AASS: variants seen among roughly 807,000 people sequenced by gnomAD.
AASS encodes alpha-aminoadipic semialdehyde synthase, mitochondrial.
Under a neutral mutation model 105.4 loss-of-function variants are expected in AASS, and 86 were observed. That is an observed-to-expected ratio of 0.82 (90% CI 0.69 to 0.98). The LOEUF (loss-of-function observed/expected upper bound fraction) is 0.98. Ranked by LOEUF, AASS falls within the 50% of genes least tolerant of loss-of-function variation. AASS has a pLI of 0.00. For synonymous variants in AASS, 381 were observed against 394.8 expected (o/e 0.96, Z 0.41); for missense variants, 1,048 against 1,143.2 (o/e 0.92, Z 1.20).
intron 17 of AASS, 24 bp downstream of exon 17, chr7:122,092,819 C>G (rs374586535): frequency 3.8e-6 from 6 of 1,562,352 alleles, no homozygotes; most frequent in South Asian, 1.1e-5. Flanking sequence ...TTTAATGTTG[C>G]CTTTGGGTAC....
At chr7:122,079,124 C>A in intron 21 of AASS, 174 bp from the exon 22 acceptor site, 1 of 1,504,648 alleles carries the variant, frequency 6.6e-7, no homozygotes, top group South Asian at 1.3e-5. Flanking sequence ...AATGTTTTAA[C>A]CTTCAGAATC....
Position 122,077,996 on chromosome 7 carries a change from A to G in AASS, c.2504T>C (p.Met835Thr). Residue 835 changes from methionine to threonine, a missense_variant, in exon 23 of 24, where the codon ATG becomes ACG. Transcript: ENST00000417368. Reference protein sequence around the residue: ...KLSYGPEEKDMIVMRDSFGIR... With the variant: ...KLSYGPEEKDTIVMRDSFGIR... ...TCCAAAGCTGTCTCTCATCACAATC[A>G]TATCTTTTTCTTCAGGACCTTAAAA... 6.2e-7 allele frequency: 1 copy of G among 1,614,120 alleles called. No individual in the cohort carries two copies. Among genetic ancestry groups the G allele is most frequent in the Non-Finnish European group, 8.5e-7 (1 of 1,179,980 alleles).
intron 11 of AASS, among the ~76,000 whole-genome samples, chr7:122,112,543 A>T (rs1277986550): frequency 1.3e-5 from 2 of 152,230 alleles, no homozygotes; most frequent in Non-Finnish European, 1.5e-5. Flanking sequence ...AGAGGCAGAC[A>T]GTCTGAAATA....
chr7:122,094,344 T>G (rs981383857), intron 15 of AASS, among the ~76,000 whole-genome samples: 2 of 152,128 alleles, frequency 1.3e-5, no homozygotes, highest in African/African-American at 4.8e-5. Flanking sequence ...CACATCTAAA[T>G]AGCAATACTC....
intron 1 of AASS, among the ~76,000 whole-genome samples, chr7:122,143,827 C>CA (rs1796511553): frequency 6.6e-6 from 1 of 152,020 alleles, no homozygotes; most frequent in Non-Finnish European, 1.5e-5. Flanking sequence ...CACTGTCCGC[C>CA]AAAAAAGAAA....
chr7:122,098,938 C>G, intron 13 of AASS, 72 bp from the exon 14 acceptor site: 1 of 1,400,090 alleles, frequency 7.1e-7, no homozygotes, highest in Non-Finnish European at 9.4e-7. Flanking sequence ...ATAACAGAAT[C>G]TTGCATTCCA....
At chr7:122,076,698 G>C in intron 23 of AASS, 91 bp from the exon 24 acceptor site, 1 of 979,240 alleles carries the variant, frequency 1.0e-6, no homozygotes, top group Non-Finnish European at 1.7e-6. Flanking sequence ...AGCAAACTCA[G>C]AGTCAATGAA....
In AASS at chr7:122,081,601, A is replaced by G. The variant is rs1793325752; in HGVS notation, c.2185-6T>C. On this transcript the variant is annotated splice_region_variant and splice_polypyrimidine_tract_variant and intron_variant, in intron 19 of 23. Transcript: ENST00000417368. ...TTCAAAGCTTTCATATATCCCTGAA[A>G]CAAGAATTAATAAGCAGTATATAAA... 1.3e-6 allele frequency: 2 copies of G among 1,594,396 alleles called. No individual in the cohort carries two copies. The highest frequency in any genetic ancestry group is 1.7e-6 in the Non-Finnish European group (2 of 1,162,126).
At position 122,075,239 on chromosome 7, in the gene AASS, G is replaced by T. The variant is rs1229785388; in HGVS notation, c.*1250C>A. Among the ~76,000 whole-genome samples, 2 of 152,124 alleles carry T rather than the reference G, an allele frequency of 1.3e-5. No individual in the cohort carries two copies. Among genetic ancestry groups the T allele is most frequent in the East Asian group, 3.8e-4 (2 of 5,198 alleles). On this transcript the variant is annotated 3_prime_UTR_variant, in exon 24 of 24. Transcript: ENST00000417368. ...TTTATTCATTGATACTATATTGAAA[G>T]ATAACCAATTTCTGCATATTTAATC... is the stretch of plus-strand genomic sequence containing the variant.
intron 1 of AASS, among the ~76,000 whole-genome samples, chr7:122,137,717 G>A (rs1796215839): frequency 6.6e-6 from 1 of 152,174 alleles, no homozygotes; most frequent in South Asian, 2.1e-4. Flanking sequence ...CACTGCAGGT[G>A]TCTAGTATTT....
chr7:122,087,430 G>A (rs1017698892), intron 18 of AASS, among the ~76,000 whole-genome samples: 14 of 152,164 alleles, frequency 9.2e-5, no homozygotes, highest in Non-Finnish European at 5.9e-5. Flanking sequence ...AAGGATGTGA[G>A]GAATGCCTTC....
chr7:122,137,968 A>G (rs1204674839), intron 1 of AASS, among the ~76,000 whole-genome samples: 4 of 152,126 alleles, frequency 2.6e-5, no homozygotes, highest in East Asian at 1.9e-4. Flanking sequence ...GAGAGGGGGA[A>G]AAAAAGAGCT....
intron 22 of AASS, among the ~76,000 whole-genome samples, chr7:122,078,635 A>C (rs377524481): frequency 1.2e-4 from 19 of 152,238 alleles, no homozygotes; most frequent in South Asian, 6.2e-4. Flanking sequence ...AACTAACTAA[A>C]TAAATAAATA....
At chr7:122,083,001 C>T (rs767410511) in intron 19 of AASS, 19 of 539,016 alleles carry the variant, frequency 3.5e-5, no homozygotes, top group Admixed American at 9.7e-5. Context: ...GGTGAGAAGG[C>T]TAAGATAAGA....
chr7:122,133,564 A>G lies in AASS; in HGVS notation c.163T>C (p.Tyr55His). 6.2e-7 allele frequency: 1 copy of G among 1,614,204 alleles called. No individual in the cohort carries two copies. Reference protein sequence around the residue: ...KHIKGITNLGYKVLIQPSNRR... With the variant: ...KHIKGITNLGHKVLIQPSNRR... ...TTCGAAGGCTGTATCAAGACCTTGT[A>G]TCCCAGATTGGTGATGCCTTTGATG... is the stretch of plus-strand genomic sequence containing the variant. The change falls in exon 2 of 24, where the codon TAC (tyrosine) becomes CAC (histidine). Residue 55 changes from tyrosine (Y) to histidine (H), a missense_variant. By Grantham distance (83) the Tyr-to-His change is moderately conservative (BLOSUM62 2). Coordinates refer to ENST00000417368, the MANE Select transcript of AASS (RefSeq NM_005763.4).
At chr7:122,124,238 A>C (rs1795555163) in intron 4 of AASS, among the ~76,000 whole-genome samples, 1 of 152,148 alleles carries the variant, frequency 6.6e-6, no homozygotes, top group South Asian at 2.1e-4. Context: ...AAGCTTTTGC[A>C]ACAGCCAAGT....
At chr7:122,143,530 T>C (rs1796497425) in intron 1 of AASS, among the ~76,000 whole-genome samples, 1 of 150,088 alleles carries the variant, frequency 6.7e-6, no homozygotes, top group Non-Finnish European at 1.5e-5. Context: ...GGCTGAAGAG[T>C]TCAGGAAACC....
chr7:122,124,502 T>G (rs759301801), intron 4 of AASS, among the ~76,000 whole-genome samples: 3 of 152,194 alleles, frequency 2.0e-5, no homozygotes, highest in Non-Finnish European at 2.9e-5. Context: ...AGGCTGGTCT[T>G]GAACTCTGGA....
intron 21 of AASS, chr7:122,079,242 T>G (rs1793189683): frequency 7.3e-7 from 1 of 1,364,030 alleles, no homozygotes; most frequent in African/African-American, 1.5e-5. Flanking sequence ...AGGTTAGTTC[T>G]CCAACATTAG....
Sources: gnomAD v4.1 joint callset for allele counts (sites outside exome capture counted in the v4.1 genomes callset) on GRCh38, gnomAD v4.1.1 for gene constraint, MANE v1.5 for transcripts, NCBI Gene and HGNC (gene_info 2026-07-23, HGNC 2026-07-21) for gene names.